ZMIZ1: variants seen among roughly 807,000 people sequenced by gnomAD.
ZMIZ1 encodes the protein zinc finger MIZ-type containing 1, also known as zinc finger MIZ domain-containing protein 1.
A neutral mutation model predicts 113.9 loss-of-function variants in ZMIZ1; 17 were observed. That is an observed-to-expected ratio of 0.15 (90% confidence interval 0.10 to 0.22). ZMIZ1 has a LOEUF of 0.22. Ranked by LOEUF, ZMIZ1 falls within the 10% of genes least tolerant of loss-of-function variation. The pLI is 1.00. For synonymous variants in ZMIZ1, 607 were observed against 603.1 expected, an observed-to-expected ratio of 1.01 and a Z score of -0.09; for missense variants, 1,059 against 1,477.8, an observed-to-expected ratio of 0.72 and a Z score of 4.65.
chr10:79,123,378 T>C (rs1043675099), intron 2 of ZMIZ1, among the ~76,000 whole-genome samples: 1 of 152,128 alleles, frequency 6.6e-6, no homozygotes, highest in African/African-American at 2.4e-5. Context: ...ATGGGGAGAA[T>C]ATCCCTCTAG....
intron 4 of ZMIZ1, among the ~76,000 whole-genome samples, chr10:79,169,123 G>T (rs995133694): frequency 6.6e-6 from 1 of 152,186 alleles, no homozygotes; most frequent in Non-Finnish European, 1.5e-5. Context: ...AATTGCTCCC[G>T]TGGTGCCACC....
chr10:79,290,419 A>G (rs1024792078), intron 9 of ZMIZ1, among the ~76,000 whole-genome samples: 3 of 152,094 alleles, frequency 2.0e-5, no homozygotes, highest in Admixed American at 6.5e-5. Flanking sequence ...CTGTGGCTAC[A>G]TGGAAGGCTC....
chr10:79,268,481 G>A (rs1445410769), intron 7 of ZMIZ1, among the ~76,000 whole-genome samples: 2 of 152,224 alleles, frequency 1.3e-5, no homozygotes, highest in African/African-American at 2.4e-5. Context: ...CCGGGTCTCA[G>A]TGTCTGTCCT....
At chr10:79,177,310 G>T (rs2132554684) in intron 4 of ZMIZ1, among the ~76,000 whole-genome samples, 1 of 152,294 alleles carries the variant, frequency 6.6e-6, no homozygotes, top group South Asian at 2.1e-4. Context: ...ATGAAAGCTG[G>T]CCTCGCCTCC....
rs772182013 is a variant in ZMIZ1, at chr10:79,291,142, C to T, written c.724C>T (p.Pro242Ser). The change falls in exon 10 of 25, where the codon CCC (proline) becomes TCC (serine). Residue 242 changes from proline (P) to serine (S), a missense_variant. Around this residue, in one of 6 missense-constraint regions of ZMIZ1, gnomAD observed 272 missense variants for 350.4 expected, o/e 0.78. Coordinates refer to ENST00000334512, the MANE Select transcript of ZMIZ1 (RefSeq NM_020338.4). Reference protein sequence around the residue: ...PYIQQSMYGRPNYPGSGGFGA... With the variant: ...PYIQQSMYGRSNYPGSGGFGA... ...CATCCAGCAGAGCATGTATGGCCGG[C>T]CCAACTACCCCGGCAGCGGGGGCTT... is the stretch of plus-strand genomic sequence containing the variant. The T allele has an allele frequency of 6.2e-7, 1 of 1,612,314 alleles. No individual in the cohort carries two copies. The highest frequency in any genetic ancestry group is 8.5e-7 in the Non-Finnish European group (1 of 1,178,664).
intron 5 of ZMIZ1, among the ~76,000 whole-genome samples, chr10:79,206,766 C>T (rs1435533944): frequency 6.6e-6 from 1 of 152,210 alleles, no homozygotes; most frequent in African/African-American, 2.4e-5. Context: ...GCTGTATAAG[C>T]CTCATCTTGT....
At chr10:79,082,042 AG>A (rs1170592149) in intron 1 of ZMIZ1, among the ~76,000 whole-genome samples, 4 of 152,246 alleles carry the variant, frequency 2.6e-5, no homozygotes, top group African/African-American at 9.6e-5. Flanking sequence ...GCCAGTGCCC[AG>A]CCCTGCCTGT....
intron 23 of ZMIZ1, among the ~76,000 whole-genome samples, chr10:79,310,374 A>T (rs888214427): frequency 1.3e-5 from 2 of 152,100 alleles, no homozygotes; most frequent in Admixed American, 1.3e-4. Context: ...CACACTTCGG[A>T]CTGGCAGAAG....
rs11002911 is a variant in ZMIZ1, at chr10:79,292,098, G to A, written c.759-60G>A. The A allele has an allele frequency of 2.0e-6, 3 of 1,494,104 alleles. No homozygotes were observed. In the African/African-American group the frequency reaches 4.1e-5, roughly 21 times the overall value. 92.6% of individuals were successfully genotyped at this position (1,494,104 alleles called of 1,614,324 possible). A position where few individuals can be genotyped will look rare whatever the true frequency, so the allele number is the denominator to read the frequency against. ...TCATCTCCCTTCCAGCCCACAGCTT[G>A]CCCTCAGTTCCCCTCAGATGCAGGC... On this transcript the variant is annotated intron_variant, in intron 10 of 24. Coordinates refer to ENST00000334512, the MANE Select transcript of ZMIZ1 (RefSeq NM_020338.4).
intron 7 of ZMIZ1, among the ~76,000 whole-genome samples, chr10:79,220,006 G>C (rs1848897724): frequency 6.6e-6 from 1 of 152,172 alleles, no homozygotes. Context: ...TATTTGAGGG[G>C]TGAAGGACCT....
intron 1 of ZMIZ1, among the ~76,000 whole-genome samples, chr10:79,079,842 A>C (rs1842599437): frequency 6.6e-6 from 1 of 152,234 alleles, no homozygotes; most frequent in Non-Finnish European, 1.5e-5. Context: ...GGACTGGTTT[A>C]GGAGTTGCCT....
At position 79,196,952 on chromosome 10, in the gene ZMIZ1, G is replaced by A. The variant is rs530873874; in HGVS notation, c.-49-4632G>A. ...ACACCTGGGTGCTCACTGGAGTGAG[G>A]GAGAGGACGGAGGGCCTGGAAGCAC... On this transcript the variant is annotated intron_variant, in intron 4 of 24. Transcript: ENST00000334512. Among the ~76,000 whole-genome samples the A allele has an allele frequency of 5.0e-4, 76 of 152,350 alleles. 1 individual carries two copies. Among genetic ancestry groups the A allele is most frequent in the African/African-American group, 1.6e-3 (68 of 41,580 alleles).
intron 1 of ZMIZ1, among the ~76,000 whole-genome samples, chr10:79,079,993 G>A (rs571213019): frequency 1.4e-3 from 207 of 152,342 alleles, no homozygotes; most frequent in African/African-American, 4.7e-3. Context: ...TTGCCCGGCT[G>A]GTGTAAGCTG....
intron 17 of ZMIZ1, 113 bp from the exon 18 acceptor site, chr10:79,301,994 G>A: frequency 9.8e-7 from 1 of 1,015,476 alleles, no homozygotes; most frequent in Non-Finnish European, 1.5e-6. Context: ...CCCTGGGGGA[G>A]CCTCCTGGGC....
At chr10:79,152,077 C>A (rs908950749) in intron 3 of ZMIZ1, among the ~76,000 whole-genome samples, 3 of 152,220 alleles carry the variant, frequency 2.0e-5, no homozygotes, top group African/African-American at 7.2e-5. Flanking sequence ...CAGGCTCCCC[C>A]AACACCAGAG....
intron 17 of ZMIZ1, among the ~76,000 whole-genome samples, chr10:79,301,379 C>T (rs1215751650): frequency 6.6e-6 from 1 of 152,152 alleles, no homozygotes; most frequent in African/African-American, 2.4e-5. Context: ...AACGCGTTCC[C>T]TTCTTTCCCA....
intron 4 of ZMIZ1, among the ~76,000 whole-genome samples, chr10:79,193,785 A>C (rs748911971): frequency 6.6e-6 from 1 of 152,210 alleles, no homozygotes; most frequent in Non-Finnish European, 1.5e-5. Flanking sequence ...GCAGAGGGAC[A>C]GTCAGAGGCA....
intron 7 of ZMIZ1, among the ~76,000 whole-genome samples, chr10:79,217,821 C>T (rs1024420486): frequency 1.3e-5 from 2 of 152,226 alleles, no homozygotes; most frequent in Non-Finnish European, 2.9e-5. Flanking sequence ...TGGGATATTG[C>T]TATCGTATTG....
Position 79,268,442 on chromosome 10 carries a change from C to T in ZMIZ1, c.281-8739C>T, listed in dbSNP as rs76571159. 2.3e-3 allele frequency among the ~76,000 whole-genome samples: 355 copies of T among 152,336 alleles called. 1 individual carries two copies. Among genetic ancestry groups the T allele is most frequent in the African/African-American group, 8.2e-3 (340 of 41,564 alleles). On this transcript the variant is annotated intron_variant, in intron 7 of 24. Coordinates refer to ENST00000334512, the MANE Select transcript of ZMIZ1 (RefSeq NM_020338.4). ...GCTGGTAGGTTTAAAGGCCGCTGAGCGCCTGGTCACAGATGCTGCTCCAGT... is the reference window on the plus strand; with the variant it reads ...GCTGGTAGGTTTAAAGGCCGCTGAGTGCCTGGTCACAGATGCTGCTCCAGT...
Sources: allele counts gnomAD v4.1 joint callset (sites outside exome capture counted in the v4.1 genomes callset), GRCh38; gene constraint gnomAD v4.1.1; regional missense constraint gnomAD v4.1.1; transcripts MANE v1.5; gene names NCBI Gene and HGNC (gene_info 2026-07-23, HGNC 2026-07-21).